Variants in KCNQ2 observed in about 807,000 individuals in gnomAD.
The protein encoded by KCNQ2 is potassium voltage-gated channel subfamily Q member 2.
KCNQ2 carries 14 observed loss-of-function variants against 84.8 expected under a neutral mutation model. The ratio of observed to expected loss-of-function variants is 0.17; its 90% CI spans 0.11 to 0.26. The LOEUF (loss-of-function observed/expected upper bound fraction) is 0.26. Ranked by LOEUF, KCNQ2 falls within the 10% of genes least tolerant of loss-of-function variation. The pLI, the probability that KCNQ2 is intolerant of heterozygous loss-of-function variation, is 1.00. For missense variants in KCNQ2, 788 were observed against 1,254.0 expected (o/e 0.63, Z 5.61); for synonymous variants, 599 against 554.1 (o/e 1.08, Z -1.14).
intron 5 of KCNQ2, among the ~76,000 whole-genome samples, chr20:63,441,930 C>T (rs1454410456): frequency 2.6e-5 from 4 of 152,212 alleles, no homozygotes; most frequent in Non-Finnish European, 4.4e-5. Flanking sequence ...CCCCTGTGCA[C>T]CAGCAGCCTG....
chr20:63,421,962 C>T (rs1436058362), intron 11 of KCNQ2, among the ~76,000 whole-genome samples: 2 of 152,186 alleles, frequency 1.3e-5, no homozygotes, highest in Non-Finnish European at 2.9e-5. Context: ...AGCCGGGTCG[C>T]CTGCCACCAC....
In KCNQ2 at chr20:63,407,060, C is replaced by A; in HGVS notation, c.2203G>T (p.Asp735Tyr). 6.6e-7 allele frequency: 1 copy of A among 1,521,406 alleles called. No individual in the cohort carries two copies. Among genetic ancestry groups the A allele is most frequent in the Non-Finnish European group, 8.8e-7 (1 of 1,136,756 alleles). The allele number at this position is 1,521,406 out of a possible 1,614,324, so 94.2% of individuals were successfully genotyped here. Residue 735 changes from aspartate to tyrosine, a missense_variant, in exon 17 of 17, where the codon GAC (aspartate) becomes TAC (tyrosine). Physicochemically the swap from Asp to Tyr is radical, Grantham distance 160. Around this residue, in one of 8 missense-constraint regions of KCNQ2, gnomAD observed 378 missense variants for 434.5 expected, o/e 0.87. Coordinates refer to ENST00000359125, the MANE Select transcript of KCNQ2 (RefSeq NM_172107.4). This position sits in a 1 kb window ranked among gnomAD's most constrained non-coding sequence, Gnocchi z 7.2. ...GGGATGCGCACCAGGGAGCCGTGGTCCCCCACGGGGGAGGTGCCGTGGCCC... is the reference window on the plus strand; with the variant it reads ...GGGATGCGCACCAGGGAGCCGTGGTACCCCACGGGGGAGGTGCCGTGGCCC... ...RQGHGTSPVG[D>Y]HGSLVRIPPP...
Position 63,448,809 on chromosome 20 carries a change from G to T in KCNQ2, c.297-1972C>A, listed in dbSNP as rs554761475. Among the ~76,000 whole-genome samples the T allele has an allele frequency of 3.7e-4, 56 of 152,272 alleles. No homozygotes were observed. The South Asian group carries it at 0.011, about 30-fold the overall frequency. On this transcript the variant is annotated intron_variant, in intron 1 of 16. Coordinates refer to ENST00000359125, the MANE Select transcript of KCNQ2 (RefSeq NM_172107.4). ...CCCACCCCTGACCTGCTGGGCCGGG[G>T]CACTGGCCACAGGCATGGGCATCCT... is the stretch of plus-strand genomic sequence containing the variant.
intron 1 of KCNQ2, chr20:63,458,979 T>C (rs1282020507): frequency 6.6e-6 from 1 of 152,236 alleles, no homozygotes; most frequent in African/African-American, 2.4e-5. Flanking sequence ...AATGACGAAA[T>C]GTCCAGAGAC....
Position 63,406,104 on chromosome 20 carries a change from C to T in KCNQ2, c.*540G>A, listed in dbSNP as rs145251165. The stretch of plus-strand genomic sequence containing the variant: ...GCCCCTGAGGTGGGGAACAGGAAAG[C>T]CCGCCGGGCAGGTCAGGTGTGAAGG... On this transcript the variant is annotated 3_prime_UTR_variant, in exon 17 of 17. Transcript: ENST00000359125. The T allele has an allele frequency of 3.6e-4, 56 of 155,074 alleles. No individual in the cohort carries two copies. The highest frequency in any genetic ancestry group is 1.5e-3 in the Admixed American group (24 of 15,942). 9.6% of individuals were successfully genotyped at this position (155,074 alleles called of 1,614,324 possible). A position where few individuals can be genotyped will look rare whatever the true frequency, so the allele number is the denominator to read the frequency against.
chr20:63,432,870 G>T (rs1210693238), intron 8 of KCNQ2, among the ~76,000 whole-genome samples: 1 of 152,006 alleles, frequency 6.6e-6, no homozygotes, highest in Non-Finnish European at 1.5e-5. Flanking sequence ...CCTCAGGGAA[G>T]GCTCCACCCA....
intron 1 of KCNQ2, among the ~76,000 whole-genome samples, chr20:63,464,770 T>C (rs1600860040): frequency 6.6e-6 from 1 of 152,182 alleles, no homozygotes; most frequent in East Asian, 1.9e-4. Context: ...AAGTGGCACA[T>C]TGATCCGCAT....
chr20:63,465,682 G>C (rs781719042), intron 1 of KCNQ2, among the ~76,000 whole-genome samples: 1 of 152,188 alleles, frequency 6.6e-6, no homozygotes, highest in Non-Finnish European at 1.5e-5. Context: ...TCTGTTAGGC[G>C]TGTTGAACAG....
At chr20:63,409,348 G>A (rs6011818) in intron 15 of KCNQ2, among the ~76,000 whole-genome samples, 1 of 152,358 alleles carries the variant, frequency 6.6e-6, no homozygotes, top group East Asian at 1.9e-4. Context: ...GCAGAATTCA[G>A]CTGAGCTGAT....
chr20:63,442,746 CCACCATCACCATCACCACCAT>C (rs2081222062), intron 4 of KCNQ2, among the ~76,000 whole-genome samples: 1 of 86,520 alleles, frequency 1.2e-5, no homozygotes, highest in Admixed American at 1.1e-4. Context: ...TCCACCATCA[CCACCATCACCATCACCACCAT>C]CACCATCACC....
intron 11 of KCNQ2, 189 bp downstream of exon 11, chr20:63,423,988 T>G (rs1601603440): frequency 1.2e-5 from 7 of 589,072 alleles, no homozygotes; most frequent in South Asian, 8.0e-5. Context: ...GGGGAGGGGG[T>G]GAGCAGGAAG....
At chr20:63,415,972 C>T (rs2080284651) in intron 12 of KCNQ2, among the ~76,000 whole-genome samples, 1 of 152,216 alleles carries the variant, frequency 6.6e-6, no homozygotes, top group Admixed American at 6.5e-5. Flanking sequence ...CAGCCACACT[C>T]CGGCCTTTCC....
At position 63,433,977 on chromosome 20, in the gene KCNQ2, G is replaced by A. The variant is rs1016863015; in HGVS notation, c.1024-74C>T. 8.0e-6 allele frequency: 11 copies of A among 1,367,956 alleles called. No homozygotes were observed. The South Asian group carries it at 1.1e-4, about 13-fold the overall frequency. 84.7% of individuals were successfully genotyped at this position (1,367,956 alleles called of 1,614,324 possible). A position where few individuals can be genotyped will look rare whatever the true frequency, so the allele number is the denominator to read the frequency against. On this transcript the variant is annotated intron_variant, in intron 7 of 16. Transcript: ENST00000359125. ...CGCGCCCAGGAGGGCCGGGCGTGGA[G>A]GGAACGGGGCAGAGGGGACCCCCAT...
rs113450328 is a variant in KCNQ2, at chr20:63,404,883, G to A, written c.*1761C>T. 2 of 152,332 alleles carry A rather than the reference G, an allele frequency of 1.3e-5. No individual in the cohort carries two copies. Among genetic ancestry groups the A allele is most frequent in the Non-Finnish European group, 2.9e-5 (2 of 68,120 alleles). 9.4% of individuals were successfully genotyped at this position (152,332 alleles called of 1,614,324 possible). ...TTTGGGACAGGCTCCAGCACAGGGA[G>A]GGGTGAGGAGACAGCCCAGCGGAGG... On this transcript the variant is annotated 3_prime_UTR_variant, in exon 17 of 17. Transcript: ENST00000359125.
chr20:63,428,498 T>A, intron 9 of KCNQ2, 63 bp from the exon 10 acceptor site: 1 of 1,389,806 alleles, frequency 7.2e-7, no homozygotes. Context: ...GACACCTCCC[T>A]CTGCTTGCAC....
intron 11 of KCNQ2, among the ~76,000 whole-genome samples, chr20:63,423,025 G>C (rs1044140181): frequency 6.6e-6 from 1 of 152,220 alleles, no homozygotes; most frequent in African/African-American, 2.4e-5. Context: ...AGCAGGGGCG[G>C]GGGAGGCAGT....
chr20:63,438,495 T>G lies in KCNQ2; in HGVS notation c.1023+130A>C. On this transcript the variant is annotated intron_variant, in intron 7 of 16. Transcript: ENST00000359125. The surrounding 1 kb of genome is among the most constrained non-coding windows in gnomAD (Gnocchi z 5.1). ...TCACATCCTCGCTCCTTCCACAGAT[T>G]CCTGCAGAGGGTGAGCGCTGTGGCC... 1 of 788,716 alleles carries G rather than the reference T, an allele frequency of 1.3e-6. No individual in the cohort carries two copies. The allele number at this position is 788,716 out of a possible 1,614,324, so 48.9% of individuals were successfully genotyped here.
rs4809558 is a variant in KCNQ2 at position 63,433,605 on chromosome 20, G to A, written c.1118+204C>T. ...CGATAAAGCAAAGGGGTGAGGAAAT[G>A]AAAGTGAAGAGAAAGCCGCAGCTCT... On this transcript the variant is annotated intron_variant, in intron 8 of 16. Transcript: ENST00000359125. 7,771 of 944,044 alleles carry A rather than the reference G, an allele frequency of 8.2e-3. 542 individuals carry two copies. The East Asian group carries it at 0.16, about 19-fold the overall frequency. 58.5% of individuals were successfully genotyped at this position (944,044 alleles called of 1,614,324 possible).
At chr20:63,447,353 G>C (rs1014698680) in intron 1 of KCNQ2, 9 of 158,530 alleles carry the variant, frequency 5.7e-5, no homozygotes, top group Non-Finnish European at 9.8e-5. Flanking sequence ...CCGGAGCCAA[G>C]CAACAGGAGC....
Sources: allele counts gnomAD v4.1 joint callset (sites outside exome capture counted in the v4.1 genomes callset), GRCh38; gene constraint gnomAD v4.1.1; regional missense constraint gnomAD v4.1.1; non-coding constraint Gnocchi (gnomAD v3.1); transcripts MANE v1.5; gene names NCBI Gene and HGNC (gene_info 2026-07-23, HGNC 2026-07-21).